Variants in TMEM164 observed in about 807,000 individuals in gnomAD.
The protein encoded by TMEM164 is transmembrane protein 164.
A neutral mutation model predicts 18.8 loss-of-function variants in TMEM164; 4 were observed. That is an observed-to-expected ratio of 0.21 (90% confidence interval 0.10 to 0.49). The LOEUF is 0.49. TMEM164 is among the 20% of genes least tolerant of loss of function. The pLI is 0.98. For missense variants in TMEM164, 108 were observed against 239.9 expected, an observed-to-expected ratio of 0.45 and a Z score of 3.63; for synonymous variants, 86 against 101.7, an observed-to-expected ratio of 0.85 and a Z score of 0.93.
chrX:110,109,739 A>G (rs1319858001), intron 4 of TMEM164, among the ~76,000 whole-genome samples: 3 of 111,151 alleles, frequency 2.7e-5, no homozygotes, highest in Non-Finnish European at 3.8e-5. Context: ...ACCCAAACCC[A>G]TGGGCCAGTC....
At chrX:110,081,846 T>C (rs190788053) in intron 3 of TMEM164, among the ~76,000 whole-genome samples, 4 of 111,943 alleles carry the variant, frequency 3.6e-5, no homozygotes, top group Non-Finnish European at 7.5e-5. Flanking sequence ...GGGGCCAGCA[T>C]GTTCTTCCTG....
intron 2 of TMEM164, among the ~76,000 whole-genome samples, chrX:110,064,827 T>TAAAAATA (rs1382842356): frequency 9.4e-6 from 1 of 106,457 alleles, no homozygotes; most frequent in African/African-American, 3.4e-5. Flanking sequence ...AAAATAAAAA[T>TAAAAATA]AAAAATAAAA....
rs894363326 is a variant in TMEM164, at chrX:110,174,650, A to C, written c.*1199A>C. The C allele has an allele frequency of 9.1e-6, 1 of 110,285 alleles. No individual in the cohort carries two copies. Among genetic ancestry groups the C allele is most frequent in the Non-Finnish European group, 1.9e-5 (1 of 52,749 alleles). The allele number at this position is 110,285 out of a possible 1,213,427, so 9.1% of individuals were successfully genotyped here. ...CCCCCAAATCCCATGTCTAGGTTGA[A>C]AGGGGGCTGCCAAAGAATTAAGTCC... is the stretch of plus-strand genomic sequence containing the variant. On this transcript the variant is annotated 3_prime_UTR_variant, in exon 7 of 7. Coordinates refer to ENST00000372068, the MANE Select transcript of TMEM164 (RefSeq NM_032227.4).
chrX:110,016,445 G>A (rs1448489549), intron 2 of TMEM164, among the ~76,000 whole-genome samples: 2 of 111,604 alleles, frequency 1.8e-5, no homozygotes, highest in Non-Finnish European at 3.8e-5. Flanking sequence ...ATGTGTAACA[G>A]GGCCGGATGG....
chrX:110,044,425 G>GT lies in TMEM164; in HGVS notation c.391-22912dup, dbSNP rs1287904013. ...TTTTCTTGCTGTGATAATCTGTCAG[G>GT]TTTTTTTTTTGTTGTTGTTGTTGTT... On this transcript the variant is annotated intron_variant, in intron 2 of 6. Transcript: ENST00000372068. Among the ~76,000 whole-genome samples, 249 of 104,117 alleles carry GT rather than the reference G, an allele frequency of 2.4e-3. 2 individuals carry two copies. Among genetic ancestry groups the GT allele is most frequent in the Admixed American group, 0.018 (179 of 9,688 alleles). The allele number at this position is 104,117 out of a possible 115,157, so 90.4% of individuals were successfully genotyped here. A position where few individuals can be genotyped will look rare whatever the true frequency, so the allele number is the denominator to read the frequency against.
At chrX:110,141,187 T>C (rs1489462359) in intron 4 of TMEM164, among the ~76,000 whole-genome samples, 1 of 112,066 alleles carries the variant, frequency 8.9e-6, no homozygotes, top group Non-Finnish European at 1.9e-5. Context: ...TCCTCCATTA[T>C]TGATTGCCCT....
chrX:110,148,348 C>T (rs1401025451), intron 5 of TMEM164, among the ~76,000 whole-genome samples: 1 of 111,080 alleles, frequency 9.0e-6, no homozygotes, highest in Non-Finnish European at 1.9e-5. Flanking sequence ...AGCTTCTTTA[C>T]CCACATCCAT....
chrX:110,111,223 G>A (rs1379442316), intron 4 of TMEM164, among the ~76,000 whole-genome samples: 1 of 112,338 alleles, frequency 8.9e-6, no homozygotes. Flanking sequence ...TCCTGACTTG[G>A]TCTCAGAGTT....
intron 3 of TMEM164, among the ~76,000 whole-genome samples, chrX:110,108,059 G>A (rs1214756256): frequency 4.3e-5 from 4 of 92,282 alleles, no homozygotes; most frequent in Admixed American, 1.2e-4. Flanking sequence ...CCAGGGCATA[G>A]GAGGTATGCT....
chrX:110,069,522 G>A (rs1293998736), intron 3 of TMEM164, among the ~76,000 whole-genome samples: 1 of 101,814 alleles, frequency 9.8e-6, no homozygotes, highest in Non-Finnish European at 2.0e-5. Context: ...TTAGCCCTTT[G>A]TCTATCATCA....
chrX:110,010,579 C>T (rs1932953090), intron 2 of TMEM164, among the ~76,000 whole-genome samples: 1 of 112,128 alleles, frequency 8.9e-6, no homozygotes, highest in Non-Finnish European at 1.9e-5. Context: ...TTTATACTCG[C>T]TCTTGGGTGA....
At chrX:110,110,883 C>T (rs2066281383) in intron 4 of TMEM164, among the ~76,000 whole-genome samples, 1 of 112,511 alleles carries the variant, frequency 8.9e-6, no homozygotes, top group African/African-American at 3.2e-5. Context: ...TGCAGAATTT[C>T]AGGGGCCACC....
At chrX:110,019,344 C>T (rs1193400576) in intron 2 of TMEM164, among the ~76,000 whole-genome samples, 2 of 110,925 alleles carry the variant, frequency 1.8e-5, no homozygotes, top group Non-Finnish European at 3.8e-5. Flanking sequence ...TTCATGATCT[C>T]TTCCATTTCT....
chrX:110,118,102 G>A (rs1043182164), intron 4 of TMEM164, among the ~76,000 whole-genome samples: 2 of 111,824 alleles, frequency 1.8e-5, no homozygotes, highest in African/African-American at 6.5e-5. Flanking sequence ...TAGCAGAGGC[G>A]GGGTCTCACC....
intron 2 of TMEM164, among the ~76,000 whole-genome samples, chrX:110,024,991 G>GGTGTGTGT (rs3082762): frequency 4.0e-5 from 4 of 100,188 alleles, no homozygotes; most frequent in Non-Finnish European, 8.1e-5. Flanking sequence ...GTTATTGTTG[G>GGTGTGTGT]GTGTGTGTGT....
chrX:110,039,558 C>T lies in TMEM164; in HGVS notation c.391-27789C>T, dbSNP rs181181274. On this transcript the variant is annotated intron_variant, in intron 2 of 6. Coordinates refer to ENST00000372068, the MANE Select transcript of TMEM164 (RefSeq NM_032227.4). ...TGAATGGATGACAGCCTTCTGCTAG[C>T]CTTTTGAAGAGTACATTCCCAGGAA... Among the ~76,000 whole-genome samples, 242 of 112,391 alleles carry T rather than the reference C, an allele frequency of 2.2e-3. 1 individual carries two copies. Among genetic ancestry groups the T allele is most frequent in the Non-Finnish European group, 2.9e-3 (155 of 53,260 alleles).
At chrX:110,011,163 T>A (rs778983323) in intron 2 of TMEM164, among the ~76,000 whole-genome samples, 2 of 111,732 alleles carry the variant, frequency 1.8e-5, no homozygotes, top group Non-Finnish European at 3.8e-5. Flanking sequence ...TCATTGTTGA[T>A]GTACTTTCAA....
intron 4 of TMEM164, among the ~76,000 whole-genome samples, chrX:110,126,810 C>CTGTGTGTGTGTGTG (rs4035483): frequency 4.5e-4 from 31 of 69,578 alleles, no homozygotes; most frequent in African/African-American, 1.6e-3. Flanking sequence ...TGGGCCACTC[C>CTGTGTGTGTGTGTG]TGTGTGTGTG....
chrX:110,180,510 C>T (rs754315380), downstream of TMEM164, among the ~76,000 whole-genome samples: 2 of 106,383 alleles, frequency 1.9e-5, no homozygotes, highest in African/African-American at 7.3e-5. Context: ...CCACAGTCAG[C>T]ACTCTGCCTC....
Sources: allele counts gnomAD v4.1 joint callset (sites outside exome capture counted in the v4.1 genomes callset), GRCh38; gene constraint gnomAD v4.1.1; transcripts MANE v1.5; gene names NCBI Gene and HGNC (gene_info 2026-07-23, HGNC 2026-07-21).